The following PDE1A variants were observed in gnomAD, a reference collection of about 807,000 sequenced individuals.
The protein encoded by PDE1A is phosphodiesterase 1A.
PDE1A carries 35 observed loss-of-function variants against 61.7 expected under a neutral mutation model. The ratio of observed to expected loss-of-function variants is 0.57; its 90% CI spans 0.43 to 0.75. The LOEUF (loss-of-function observed/expected upper bound fraction) is 0.75. Among genes scored for constraint, PDE1A ranks in the 30% least tolerant of loss-of-function variants. PDE1A has a pLI of 0.00. For missense variants in PDE1A, 597 were observed against 630.6 expected (o/e 0.95, Z 0.57); for synonymous variants, 232 against 213.2 (o/e 1.09, Z -0.77).
intron 2 of PDE1A, among the ~76,000 whole-genome samples, chr2:182,439,047 A>G (rs1222673541): frequency 6.6e-6 from 1 of 152,044 alleles, no homozygotes; most frequent in Non-Finnish European, 1.5e-5. Flanking sequence ...CATAGGTTAT[A>G]GTGCATAATA....
At chr2:182,167,954 T>G (rs1212408514) in exon 14 of PDE1A, 2 of 1,168,652 alleles carry the variant, frequency 1.7e-6, no homozygotes, top group Non-Finnish European at 2.1e-6. Flanking sequence ...AAAGAAAATT[T>G]ATTGGCACTC....
chr2:182,690,433 T>G, the PDE1A span, among the ~76,000 whole-genome samples: 1 of 152,160 alleles, frequency 6.6e-6, no homozygotes, highest in Non-Finnish European at 1.5e-5. Context: ...AAAAACCACA[T>G]GATTATCTCA....
At chr2:182,465,028 A>C (rs1559487934) in intron 2 of PDE1A, among the ~76,000 whole-genome samples, 1 of 152,184 alleles carries the variant, frequency 6.6e-6, no homozygotes, top group Non-Finnish European at 1.5e-5. Flanking sequence ...CAATATTAAA[A>C]GTATGTTTTT....
intron 1 of PDE1A, among the ~76,000 whole-genome samples, chr2:182,296,483 CACAGAT>C (rs1466212042): frequency 6.6e-6 from 1 of 152,110 alleles, no homozygotes; most frequent in African/African-American, 2.4e-5. Context: ...CAGATATAGA[CACAGAT>C]ACAGATATAG....
intron 2 of PDE1A, among the ~76,000 whole-genome samples, chr2:182,493,608 A>G (rs1688532720): frequency 6.6e-6 from 1 of 152,228 alleles, no homozygotes; most frequent in South Asian, 2.1e-4. Context: ...TCATGCTGCT[A>G]TAAAGACACA....
At chr2:182,626,745 A>G in the PDE1A span, among the ~76,000 whole-genome samples, 2 of 35,876 alleles carry the variant, frequency 5.6e-5, no homozygotes, top group African/African-American at 1.8e-4. Context: ...ATACATATAT[A>G]TACATATATA....
At chr2:182,702,247 G>A in the PDE1A span, among the ~76,000 whole-genome samples, 5 of 152,096 alleles carry the variant, frequency 3.3e-5, no homozygotes, top group Non-Finnish European at 7.4e-5. Context: ...GGGATTGCAG[G>A]CATGTACCAC....
chr2:182,151,838 T>C (rs371189254), intron 13 of PDE1A, among the ~76,000 whole-genome samples: 8 of 152,326 alleles, frequency 5.3e-5, no homozygotes, highest in African/African-American at 1.9e-4. Flanking sequence ...TTTTGACTTA[T>C]CTAGCCCAAC....
At chr2:182,419,239 T>C (rs2125570301) in intron 1 of PDE1A, among the ~76,000 whole-genome samples, 1 of 152,330 alleles carries the variant, frequency 6.6e-6, no homozygotes, top group East Asian at 1.9e-4. Flanking sequence ...AAGGATTATA[T>C]ACTTCATCTA....
At chr2:182,218,170 C>CA (rs1460942032) in intron 7 of PDE1A, among the ~76,000 whole-genome samples, 5 of 149,278 alleles carry the variant, frequency 3.3e-5, no homozygotes, top group Admixed American at 2.0e-4. Context: ...ATCCCAAGAA[C>CA]AAAAAACCAA....
intron 13 of PDE1A, among the ~76,000 whole-genome samples, chr2:182,157,255 A>T (rs1196070): frequency 0.49 from 73,958 of 151,790 alleles, 19,528 homozygotes; most frequent in African/African-American, 0.69. Flanking sequence ...CCTCAGGTGA[A>T]CCACCTGCCT....
At chr2:182,320,117 A>G (rs1228810487) in intron 1 of PDE1A, among the ~76,000 whole-genome samples, 1 of 152,168 alleles carries the variant, frequency 6.6e-6, no homozygotes, top group Non-Finnish European at 1.5e-5. Flanking sequence ...GACAAATACA[A>G]TAACTGTTTA....
chr2:182,374,734 T>C lies in PDE1A; in HGVS notation c.53+51844A>G, dbSNP rs573489696. Among the ~76,000 whole-genome samples the C allele has an allele frequency of 1.6e-3, 242 of 152,344 alleles. 1 individual carries two copies. Among genetic ancestry groups the C allele is most frequent in the African/African-American group, 5.3e-3 (220 of 41,582 alleles). On this transcript the variant is annotated intron_variant, in intron 1 of 13. Coordinates refer to ENST00000351439, the Ensembl canonical transcript of PDE1A. ...CATAAAAAGATGTTCAATATCACTA[T>C]AGCCAAAAGGGAAATACAAATTAAA...
intron 2 of PDE1A, among the ~76,000 whole-genome samples, chr2:182,252,319 T>TA (rs112891955): frequency 0.056 from 8,555 of 152,184 alleles, 747 homozygotes; most frequent in African/African-American, 0.19. Flanking sequence ...TAAAAATGTT[T>TA]AAAAAAACAA....
intron 1 of PDE1A, among the ~76,000 whole-genome samples, chr2:182,365,604 T>C (rs1699792044): frequency 6.6e-6 from 1 of 151,984 alleles, no homozygotes; most frequent in South Asian, 2.1e-4. Flanking sequence ...CTTCTTTCCT[T>C]ATTTCTATTC....
At chr2:182,258,828 T>C (rs1692011728) in intron 2 of PDE1A, among the ~76,000 whole-genome samples, 1 of 152,204 alleles carries the variant, frequency 6.6e-6, no homozygotes, top group Admixed American at 6.5e-5. Flanking sequence ...TCAGTTACTG[T>C]TGATACTTGG....
chr2:182,292,976 A>T lies in PDE1A; in HGVS notation c.54-28562T>A, dbSNP rs555227202. ...ATCATACATAAAAAGTAACTCCTTT[A>T]ATTTTTAAAATTGAGGTATAATTTA... is the stretch of plus-strand genomic sequence containing the variant. On this transcript the variant is annotated intron_variant, in intron 1 of 13. Coordinates refer to ENST00000351439, the Ensembl canonical transcript of PDE1A. Among the ~76,000 whole-genome samples the T allele has an allele frequency of 9.2e-5, 14 of 152,238 alleles. No individual in the cohort carries two copies. In the East Asian group the frequency reaches 2.3e-3, roughly 25 times the overall value.
the PDE1A span, among the ~76,000 whole-genome samples, chr2:182,578,916 T>G: frequency 1.3e-5 from 2 of 152,204 alleles, no homozygotes; most frequent in Non-Finnish European, 2.9e-5. Context: ...AATTTTTTAA[T>G]CTAGTAAAGA....
At chr2:182,666,845 G>A in the PDE1A span, among the ~76,000 whole-genome samples, 1 of 152,134 alleles carries the variant, frequency 6.6e-6, no homozygotes, top group African/African-American at 2.4e-5. Context: ...CCCAGGAATA[G>A]CATCAGTTCA....
Sources: gnomAD v4.1 joint callset for allele counts (sites outside exome capture counted in the v4.1 genomes callset) on GRCh38, gnomAD v4.1.1 for gene constraint, MANE v1.5 for transcripts, NCBI Gene and HGNC (gene_info 2026-07-23, HGNC 2026-07-21) for gene names.